The following TMEM87A variants were observed in gnomAD, a reference collection of about 807,000 sequenced individuals.
The protein encoded by TMEM87A is transmembrane protein 87A.
Under a neutral mutation model 90.0 loss-of-function variants are expected in TMEM87A, and 50 were observed. That is an observed-to-expected ratio of 0.56 (90% CI 0.44 to 0.70). TMEM87A has a LOEUF of 0.70. Ranked by LOEUF, TMEM87A falls within the 30% of genes least tolerant of loss-of-function variation. TMEM87A has a pLI of 0.00. For synonymous variants in TMEM87A, 226 were observed against 226.7 expected (o/e 1.00, Z 0.03); for missense variants, 577 against 660.5 (o/e 0.87, Z 1.39).
intron 12 of TMEM87A, 125 bp from the exon 13 acceptor site, chr15:42,228,945 C>T: frequency 5.1e-6 from 3 of 583,610 alleles, no homozygotes; most frequent in Middle Eastern, 4.0e-4. Context: ...GGCCTTATAG[C>T]TCTCTTATTC....
chr15:42,259,381 C>T lies in TMEM87A; in HGVS notation c.504+1577G>A, dbSNP rs114970405. On this transcript the variant is annotated intron_variant, in intron 6 of 19. Coordinates refer to ENST00000389834, the MANE Select transcript of TMEM87A (RefSeq NM_015497.5). ...TCAAGTGATCTGCCCACCTAGGCCT[C>T]CCAAAGGAAAAAATACATTTGGAGG... 9.2e-3 allele frequency among the ~76,000 whole-genome samples: 1,394 copies of T among 152,214 alleles called. 20 individuals carry two copies. The highest frequency in any genetic ancestry group is 0.032 in the African/African-American group (1,327 of 41,516).
At chr15:42,270,577 CAG>C (rs2051502055) in intron 2 of TMEM87A, among the ~76,000 whole-genome samples, 2 of 152,190 alleles carry the variant, frequency 1.3e-5, no homozygotes, top group African/African-American at 4.8e-5. Context: ...GTCTGGGTGA[CAG>C]AGTGAGACAC....
intron 2 of TMEM87A, among the ~76,000 whole-genome samples, chr15:42,269,702 C>T (rs938969072): frequency 7.9e-5 from 12 of 151,428 alleles, no homozygotes; most frequent in Non-Finnish European, 1.8e-4. Flanking sequence ...TTTGGGAGGC[C>T]GAGGCGGGTG....
upstream of TMEM87A, chr15:42,273,578 A>C (rs867813136): frequency 1.3e-5 from 14 of 1,100,282 alleles, no homozygotes; most frequent in Middle Eastern, 3.0e-4. Flanking sequence ...GAGACTTTGG[A>C]CCTACTGCGC....
chr15:42,222,632 C>T (rs1206173967), intron 15 of TMEM87A, among the ~76,000 whole-genome samples: 3 of 151,812 alleles, frequency 2.0e-5, no homozygotes, highest in African/African-American at 2.4e-5. Flanking sequence ...GATCTCAGCT[C>T]GCTGCAACCT....
At chr15:42,273,450 T>C (rs1455542590), upstream of TMEM87A, 1 of 1,607,428 alleles carries the variant, frequency 6.2e-7, no homozygotes, top group Non-Finnish European at 8.5e-7. Context: ...TTCCGGTTCG[T>C]CCCGCCTTCT....
intron 15 of TMEM87A, among the ~76,000 whole-genome samples, chr15:42,222,622 G>A (rs181101485): frequency 6.6e-6 from 1 of 151,802 alleles, no homozygotes; most frequent in African/African-American, 2.4e-5. Context: ...GCAACGGCAT[G>A]ATCTCAGCTC....
chr15:42,273,111 T>TC (rs2051583181), intron 1 of TMEM87A, 144 bp downstream of exon 1: 1 of 1,017,258 alleles, frequency 9.8e-7, no homozygotes, highest in Admixed American at 2.3e-5. Context: ...GGGAGGTGGG[T>TC]CCCAGTTGGC....
intron 15 of TMEM87A, 93 bp from the exon 16 acceptor site, chr15:42,220,228 C>A (rs1455538266): frequency 3.6e-6 from 3 of 843,296 alleles, no homozygotes; most frequent in East Asian, 2.5e-5. Context: ...ATTGAAACTG[C>A]AATTATAGTA....
chr15:42,234,398 A>T (rs1297343362), intron 10 of TMEM87A, among the ~76,000 whole-genome samples: 1 of 152,124 alleles, frequency 6.6e-6, no homozygotes, highest in Non-Finnish European at 1.5e-5. Context: ...ATTTGTTCTT[A>T]TATTTTTTGT....
At chr15:42,220,815 G>A (rs986124042) in intron 15 of TMEM87A, among the ~76,000 whole-genome samples, 5 of 151,980 alleles carry the variant, frequency 3.3e-5, no homozygotes, top group African/African-American at 9.6e-5. Context: ...TTTTTGAGAC[G>A]GAGTCTCGCT....
In TMEM87A at chr15:42,215,707, G is replaced by A. The variant is rs546350504; in HGVS notation, c.1626+2096C>T. On this transcript the variant is annotated intron_variant, in intron 19 of 19. Transcript: ENST00000389834. ...AACCACAAGGTGTCACGTCACACCT[G>A]TTAGGATGGTCATTATCAAAAAACA... Among the ~76,000 whole-genome samples, 15 of 152,242 alleles carry A rather than the reference G, an allele frequency of 9.9e-5. No homozygotes were observed. The South Asian group carries it at 1.0e-3, about 11-fold the overall frequency.
chr15:42,233,360 A>C, intron 10 of TMEM87A, 54 bp from the exon 11 acceptor site: 1 of 1,373,518 alleles, frequency 7.3e-7, no homozygotes, highest in Non-Finnish European at 1.0e-6. Flanking sequence ...TGCCGAAACA[A>C]GCTAAGTAAC....
In TMEM87A at chr15:42,228,673, G is replaced by T. The variant is rs761873900; in HGVS notation, c.1240+39C>A. On this transcript the variant is annotated intron_variant, in intron 13 of 19. Transcript: ENST00000389834. ...AGGTTAAGAATGTCCATTCTAAACA[G>T]ATCACATTTGAACTCCAAGAAGAAA... 3 of 1,546,860 alleles carry T rather than the reference G, an allele frequency of 1.9e-6. No individual in the cohort carries two copies. The South Asian group carries it at 3.3e-5, about 17-fold the overall frequency.
At chr15:42,261,042 T>C (rs935139647) in intron 5 of TMEM87A, 40 bp from the exon 6 acceptor site, 14 of 1,577,072 alleles carry the variant, frequency 8.9e-6, no homozygotes, top group Non-Finnish European at 1.2e-5. Context: ...AATTCAGAAC[T>C]TCTTGTTTTT....
At chr15:42,246,806 C>G (rs2050981952) in intron 6 of TMEM87A, among the ~76,000 whole-genome samples, 3 of 152,122 alleles carry the variant, frequency 2.0e-5, no homozygotes, top group Admixed American at 6.6e-5. Context: ...TGGGTGTATA[C>G]CCAGTAATGG....
At chr15:42,249,962 G>A (rs142696171) in intron 6 of TMEM87A, among the ~76,000 whole-genome samples, 1 of 152,170 alleles carries the variant, frequency 6.6e-6, no homozygotes, top group Non-Finnish European at 1.5e-5. Context: ...CCTGTATTGG[G>A]TGCATATATA....
intron 8 of TMEM87A, 46 bp from the exon 9 acceptor site, chr15:42,237,661 G>C (rs1309460822): frequency 1.4e-6 from 2 of 1,439,926 alleles, no homozygotes; most frequent in Admixed American, 4.7e-5. Context: ...TTAGGGCCAA[G>C]AGCCAAGTCT....
intron 19 of TMEM87A, among the ~76,000 whole-genome samples, chr15:42,215,087 A>G (rs1162304486): frequency 4.6e-5 from 7 of 152,238 alleles, no homozygotes; most frequent in African/African-American, 1.7e-4. Context: ...GTATAAGCCT[A>G]TTGCTCTAGG....
Sources: gnomAD v4.1 joint callset for allele counts (sites outside exome capture counted in the v4.1 genomes callset) on GRCh38, gnomAD v4.1.1 for gene constraint, MANE v1.5 for transcripts, NCBI Gene and HGNC (gene_info 2026-07-23, HGNC 2026-07-21) for gene names.